The following LRP2 variants were observed in gnomAD, a reference collection of about 807,000 sequenced individuals.
The protein encoded by LRP2 is low-density lipoprotein receptor-related protein 2.
In LRP2, 172 loss-of-function variants were observed where a neutral mutation model predicts 531.0. The ratio of observed to expected loss-of-function variants is 0.32; its 90% confidence interval spans 0.29 to 0.37. The LOEUF (loss-of-function observed/expected upper bound fraction) is 0.37, where lower values mean the gene tolerates loss of function less well. LRP2 is among the 10% of genes least tolerant of loss of function. The pLI, the probability that LRP2 is intolerant of heterozygous loss-of-function variation, is 1.00. For synonymous variants in LRP2, 1,992 were observed against 2,027.6 expected, an observed-to-expected ratio of 0.98 and a Z score of 0.47; for missense variants, 5,167 against 5,868.3, an observed-to-expected ratio of 0.88 and a Z score of 3.90.
At chr2:169,327,312 T>TGGG (rs1209422246) in intron 1 of LRP2, among the ~76,000 whole-genome samples, 2 of 62,156 alleles carry the variant, frequency 3.2e-5, no homozygotes, top group African/African-American at 6.1e-5. Flanking sequence ...GGGAGGGAGG[T>TGGG]GGGGTCAGCC....
chr2:169,132,778 T>A, intron 76 of LRP2, 97 bp from the exon 77 acceptor site: 1 of 741,630 alleles, frequency 1.3e-6, no homozygotes, highest in South Asian at 1.4e-5. Context: ...CTTTTTGCCA[T>A]CTTGTTCTCC....
chr2:169,219,024 C>T (rs540626967), intron 34 of LRP2, among the ~76,000 whole-genome samples: 1 of 152,274 alleles, frequency 6.6e-6, no homozygotes, highest in South Asian at 2.1e-4. Context: ...TAACACACCA[C>T]CCAACAAAGG....
At chr2:169,277,381 G>T (rs1407199992) in intron 13 of LRP2, among the ~76,000 whole-genome samples, 1 of 151,994 alleles carries the variant, frequency 6.6e-6, no homozygotes, top group Non-Finnish European at 1.5e-5. Flanking sequence ...TGTATTTATT[G>T]GGGGAAGGTT....
At chr2:169,177,345 C>T (rs913176469) in intron 53 of LRP2, among the ~76,000 whole-genome samples, 20 of 152,144 alleles carry the variant, frequency 1.3e-4, no homozygotes, top group East Asian at 3.9e-4. Flanking sequence ...AACACTAAAA[C>T]GCACTGCTCT....
At chr2:169,163,761 G>C (rs1686674534) in intron 62 of LRP2, among the ~76,000 whole-genome samples, 1 of 152,084 alleles carries the variant, frequency 6.6e-6, no homozygotes, top group South Asian at 2.1e-4. Context: ...CCTTCTATAA[G>C]CAAGAAGTGG....
intron 58 of LRP2, 98 bp downstream of exon 58, chr2:169,171,917 C>G (rs755439132): frequency 7.3e-7 from 1 of 1,373,876 alleles, no homozygotes; most frequent in Non-Finnish European, 1.0e-6. Flanking sequence ...ATCATCCTAC[C>G]CATTGAGGAT....
At chr2:169,302,536 A>C (rs1684310922) in intron 4 of LRP2, among the ~76,000 whole-genome samples, 1 of 152,174 alleles carries the variant, frequency 6.6e-6, no homozygotes, top group African/African-American at 2.4e-5. Flanking sequence ...TAGTGGATAG[A>C]GGCCAGGGAT....
At chr2:169,172,579 C>G (rs933541517) in intron 57 of LRP2, among the ~76,000 whole-genome samples, 2 of 152,174 alleles carry the variant, frequency 1.3e-5, no homozygotes, top group East Asian at 3.8e-4. Flanking sequence ...CTAATCTTGA[C>G]AAATTCCATT....
At chr2:169,361,413 CCT>C (rs142066986) in intron 1 of LRP2, among the ~76,000 whole-genome samples, 10 of 142,456 alleles carry the variant, frequency 7.0e-5, no homozygotes, top group Non-Finnish European at 9.2e-5. Context: ...TCCTCTCTCT[CCT>C]CTCTCTCTCT....
chr2:169,328,006 A>C (rs1574262362), intron 1 of LRP2, among the ~76,000 whole-genome samples: 3 of 71,760 alleles, frequency 4.2e-5, no homozygotes, highest in African/African-American at 6.0e-5. Flanking sequence ...CACGTCCGGG[A>C]GGGAGGTGGG....
chr2:169,129,162 T>C (rs940287872), intron 77 of LRP2, 78 bp from the exon 78 acceptor site: 8 of 1,065,750 alleles, frequency 7.5e-6, no homozygotes, highest in Non-Finnish European at 1.2e-5. Context: ...GTCTCAGTTT[T>C]AAAATTTCTT....
intron 1 of LRP2, among the ~76,000 whole-genome samples, chr2:169,360,147 A>G (rs1448619595): frequency 8.9e-4 from 39 of 44,042 alleles, no homozygotes; most frequent in South Asian, 4.7e-3. Context: ...AAAAAAAAAA[A>G]AGAGAGAGAG....
chr2:169,150,967 C>T lies in LRP2; in HGVS notation c.12521G>A (p.Arg4174Lys). 1.2e-6 allele frequency: 2 copies of T among 1,614,082 alleles called. No homozygotes were observed. The highest frequency in any genetic ancestry group is 1.3e-5 in the African/African-American group (1 of 75,052). The change falls in exon 68 of 79, where the codon AGG (arginine) becomes AAG (lysine). Residue 4174 changes from arginine (R) to lysine (K), a missense_variant. Physicochemically the swap from Arg to Lys is conservative, Grantham distance 26 (BLOSUM62 2). Coordinates refer to ENST00000649046, the MANE Select transcript of LRP2 (RefSeq NM_004525.3). Reference protein sequence around the residue: ...KRIEVAKLDGRYRKWLISTDL... With the variant: ...KRIEVAKLDGKYRKWLISTDL... ...AGTGGAAATCAGCCACTTTCTGTAC[C>T]TTCCATCAAGTTTAGCCACCTCAAT...
intron 76 of LRP2, among the ~76,000 whole-genome samples, chr2:169,136,754 C>T (rs974963604): frequency 2.0e-5 from 3 of 151,848 alleles, no homozygotes; most frequent in Non-Finnish European, 2.9e-5. Context: ...ACTCTCTTTT[C>T]GGACTCAGCC....
rs861239 is a variant in LRP2, at chr2:169,318,599, T to C, written c.310+163A>G. On this transcript the variant is annotated intron_variant, in intron 3 of 78. Transcript: ENST00000649046. ...TTCTTCAGTACATCCGTACTTTCAA[T>C]ATCATCCAACCCCTGAATGAGATTG... Among the ~76,000 whole-genome samples, 49,554 of 152,098 alleles carry C rather than the reference T, an allele frequency of 0.33. 8,514 individuals carry two copies. The highest frequency in any genetic ancestry group is 0.45 in the African/African-American group (18,573 of 41,452).
At chr2:169,180,877 G>T (rs372477318) in intron 52 of LRP2, among the ~76,000 whole-genome samples, 1 of 152,104 alleles carries the variant, frequency 6.6e-6, no homozygotes, top group Non-Finnish European at 1.5e-5. Flanking sequence ...TTTTTACAAT[G>T]AGTATTTTTT....
At chr2:169,260,870 GA>G (rs71003072) in intron 16 of LRP2, among the ~76,000 whole-genome samples, 1,553 of 146,626 alleles carry the variant, frequency 0.011, 14 homozygotes, top group African/African-American at 0.036. Context: ...GGGTACACTA[GA>G]AAAAAAAAAA....
At chr2:169,133,999 A>C (rs139248937) in intron 76 of LRP2, among the ~76,000 whole-genome samples, 3,063 of 152,174 alleles carry the variant, frequency 0.02, 107 homozygotes, top group African/African-American at 0.069. Context: ...AAAAACACAC[A>C]TGCTCTCCCT....
intron 1 of LRP2, among the ~76,000 whole-genome samples, chr2:169,336,435 G>T (rs1184710642): frequency 1.3e-5 from 2 of 152,016 alleles, no homozygotes; most frequent in Admixed American, 6.6e-5. Context: ...AGCTACTCAG[G>T]AGGCTGAGGC....
Sources: gnomAD v4.1 joint callset for allele counts (sites outside exome capture counted in the v4.1 genomes callset) on GRCh38, gnomAD v4.1.1 for gene constraint, MANE v1.5 for transcripts, NCBI Gene and HGNC (gene_info 2026-07-23, HGNC 2026-07-21) for gene names.